Variants in SSH2 observed in about 807,000 individuals in gnomAD.
The protein encoded by SSH2 is slingshot protein phosphatase 2, also known as protein phosphatase Slingshot homolog 2.
Under a neutral mutation model 135.2 loss-of-function variants are expected in SSH2, and 37 were observed. The observed-to-expected ratio is 0.27, with a 90% CI of 0.21 to 0.36. The LOEUF (loss-of-function observed/expected upper bound fraction) is 0.36, where lower values mean the gene tolerates loss of function less well. Among genes scored for constraint, SSH2 ranks in the 10% least tolerant of loss-of-function variants. SSH2 has a pLI of 1.00. For synonymous variants in SSH2, 628 were observed against 646.2 expected (o/e 0.97, Z 0.43); for missense variants, 1,408 against 1,765.3 (o/e 0.80, Z 3.63).
chr17:29,632,260 A>G lies in SSH2; in HGVS notation c.2934T>C (p.Asn978=), dbSNP rs1340125598. 3 of 1,614,092 alleles carry G rather than the reference A, an allele frequency of 1.9e-6. No homozygotes were observed. The highest frequency in any genetic ancestry group is 2.2e-5 in the South Asian group (2 of 91,076). ...GCACCCTGGGAGCTGGAACAGTGGC[A>G]TTCTGCTCAGAATGGGACAGTGAGC... ...EAGSLSHSEQ[N]ATVPAPRVLE... The change falls in exon 16 of 16, where the codon AAT becomes AAC. Residue 978 remains asparagine, a synonymous_variant. Transcript: ENST00000540801.
At chr17:29,685,156 T>C (rs2038160823) in intron 5 of SSH2, among the ~76,000 whole-genome samples, 3 of 152,234 alleles carry the variant, frequency 2.0e-5, no homozygotes, top group Non-Finnish European at 2.9e-5. Context: ...ACTGAATTCC[T>C]GCATGTTAAT....
rs562460579 is a variant in SSH2, at chr17:29,643,098, T to C, written c.1427+5046A>G. On this transcript the variant is annotated intron_variant, in intron 14 of 15. Transcript: ENST00000540801. The stretch of plus-strand genomic sequence containing the variant: ...TTTCTAAGGATTTTCCTCTCCTGCT[T>C]ACCTAAATTGCAAGGCTTGATAGAG... 9 of 983,530 alleles carry C rather than the reference T, an allele frequency of 9.2e-6. No homozygotes were observed. The South Asian group carries it at 4.2e-4, about 46-fold the overall frequency. 60.9% of individuals were successfully genotyped at this position (983,530 alleles called of 1,614,324 possible). A position where few individuals can be genotyped will look rare whatever the true frequency, so the allele number is the denominator to read the frequency against.
chr17:29,891,113 T>C (rs1487389592), intron 1 of SSH2, among the ~76,000 whole-genome samples: 1 of 152,168 alleles, frequency 6.6e-6, no homozygotes, highest in East Asian at 1.9e-4. Context: ...CTCCTCTGAT[T>C]TGGGTTCTAA....
chr17:29,792,825 C>T (rs1357688307), intron 3 of SSH2, among the ~76,000 whole-genome samples: 3 of 152,156 alleles, frequency 2.0e-5, no homozygotes, highest in Non-Finnish European at 4.4e-5. Context: ...TACAGGCACC[C>T]GCCACCATGC....
At chr17:29,781,332 T>C (rs1469815000) in intron 3 of SSH2, among the ~76,000 whole-genome samples, 2 of 151,848 alleles carry the variant, frequency 1.3e-5, no homozygotes, top group Non-Finnish European at 2.9e-5. Flanking sequence ...AGATAAAAAA[T>C]AAACAGAGCA....
chr17:29,737,920 C>CTTATTTATTTATTTATTTAT (rs57778245), intron 3 of SSH2, among the ~76,000 whole-genome samples: 32 of 150,596 alleles, frequency 2.1e-4, no homozygotes, highest in Non-Finnish European at 4.4e-4. Context: ...GAGAAAGTCT[C>CTTATTTATTTATTTATTTAT]TTATTTATTT....
intron 4 of SSH2, among the ~76,000 whole-genome samples, chr17:29,701,460 A>G (rs1483865420): frequency 6.9e-5 from 9 of 130,316 alleles, no homozygotes; most frequent in African/African-American, 2.7e-4. Flanking sequence ...CCAAGGCTGG[A>G]GTGCAGTGGT....
At chr17:29,708,654 A>G (rs1448794288) in intron 3 of SSH2, among the ~76,000 whole-genome samples, 4 of 151,136 alleles carry the variant, frequency 2.6e-5, no homozygotes, top group Non-Finnish European at 4.4e-5. Flanking sequence ...AAACTTTTTC[A>G]TGTTTCTGAA....
At position 29,628,442 on chromosome 17, in the gene SSH2, T is replaced by A. The variant is rs2035561088; in HGVS notation, c.*2399A>T. ...GAACAGTCCAAAACTTTGGTCCTGC[T>A]TGTACCTCTTAGTGTGTGGGATGTC... is the stretch of plus-strand genomic sequence containing the variant. On this transcript the variant is annotated 3_prime_UTR_variant, in exon 16 of 16. Transcript: ENST00000540801. 6.6e-6 allele frequency: 1 copy of A among 152,166 alleles called. No homozygotes were observed. The highest frequency in any genetic ancestry group is 1.5e-5 in the Non-Finnish European group (1 of 68,034). 9.4% of individuals were successfully genotyped at this position (152,166 alleles called of 1,614,324 possible).
At chr17:29,692,540 C>T (rs1236824223) in intron 5 of SSH2, among the ~76,000 whole-genome samples, 2 of 152,202 alleles carry the variant, frequency 1.3e-5, no homozygotes, top group Admixed American at 1.3e-4. Context: ...GCCAGCTCTG[C>T]CTTTGTAACT....
chr17:29,666,190 T>C (rs1254380746), intron 11 of SSH2, among the ~76,000 whole-genome samples: 1 of 151,874 alleles, frequency 6.6e-6, no homozygotes, highest in African/African-American at 2.4e-5. Context: ...CTGGGAAACA[T>C]GGTAAAACCC....
At chr17:29,820,198 A>T (rs947339546) in intron 2 of SSH2, among the ~76,000 whole-genome samples, 16 of 152,210 alleles carry the variant, frequency 1.1e-4, no homozygotes, top group Admixed American at 8.5e-4. Context: ...TGATAATAAT[A>T]GCTATGTGAA....
chr17:29,746,483 GGTTGCAGTGAGCCAAGATCATACCACT>G (rs1263589384), intron 3 of SSH2, among the ~76,000 whole-genome samples: 1 of 146,766 alleles, frequency 6.8e-6, no homozygotes, highest in Non-Finnish European at 1.5e-5. Context: ...GGGAGGCGGA[GGTTGCAGTGAGCCAAGATCATACCACT>G]GCACTCCAGC....
At chr17:29,827,830 G>A (rs1431514633) in intron 2 of SSH2, among the ~76,000 whole-genome samples, 1 of 151,462 alleles carries the variant, frequency 6.6e-6, no homozygotes, top group Non-Finnish European at 1.5e-5. Flanking sequence ...TAATGTGAAT[G>A]TTTTTCTAAA....
Position 29,839,969 on chromosome 17 carries a change from A to C in SSH2, c.144+8880T>G, listed in dbSNP as rs115749762. The stretch of plus-strand genomic sequence containing the variant: ...GCCTCAAAGACTTGGATTCAACACT[A>C]AACTGTATAAAAAGCATTTAGTACA... On this transcript the variant is annotated intron_variant, in intron 2 of 15. Transcript: ENST00000540801. Among the ~76,000 whole-genome samples, 693 of 152,316 alleles carry C rather than the reference A, an allele frequency of 4.5e-3. 8 individuals are homozygous for C. The highest frequency in any genetic ancestry group is 0.016 in the African/African-American group (655 of 41,568).
chr17:29,917,898 G>T (rs751859248), intron 1 of SSH2, among the ~76,000 whole-genome samples: 1 of 151,952 alleles, frequency 6.6e-6, no homozygotes, highest in Non-Finnish European at 1.5e-5. Flanking sequence ...ACTAAATCAG[G>T]CCAGGTGCAT....
chr17:29,871,458 A>C (rs1310716613), intron 1 of SSH2, among the ~76,000 whole-genome samples: 3 of 152,214 alleles, frequency 2.0e-5, no homozygotes. Context: ...GTAAGTTTAC[A>C]TCTAATCTCT....
At chr17:29,913,347 A>AATTATATATATATATAT (rs1555543500) in intron 1 of SSH2, among the ~76,000 whole-genome samples, 1 of 28,778 alleles carries the variant, frequency 3.5e-5, no homozygotes, top group Non-Finnish European at 5.9e-5. Context: ...AAAAAAAAAA[A>AATTATATATATATATAT]ATATATATAT....
rs567898623 is a variant in SSH2, at chr17:29,814,415, A to G, written c.145-20478T>C. Among the ~76,000 whole-genome samples the G allele has an allele frequency of 1.8e-3, 245 of 138,060 alleles. 1 individual carries two copies. Among genetic ancestry groups the G allele is most frequent in the Admixed American group, 2.8e-3 (36 of 12,770 alleles). 90.6% of individuals were successfully genotyped at this position (138,060 alleles called of 152,430 possible). A position where few individuals can be genotyped will look rare whatever the true frequency, so the allele number is the denominator to read the frequency against. ...ACCACTGCACTCCAGCCTGGGCGAC[A>G]GAGCAAGACTCTGTCTCAAAAAAAA... On this transcript the variant is annotated intron_variant, in intron 2 of 15. Coordinates refer to ENST00000540801, the MANE Select transcript of SSH2 (RefSeq NM_001282129.2).
Sources: allele counts gnomAD v4.1 joint callset (sites outside exome capture counted in the v4.1 genomes callset), GRCh38; gene constraint gnomAD v4.1.1; transcripts MANE v1.5; gene names NCBI Gene and HGNC (gene_info 2026-07-23, HGNC 2026-07-21).